The following KCTD5 variants were observed in gnomAD, a reference collection of about 807,000 sequenced individuals.
The protein encoded by KCTD5 is BTB/POZ domain-containing protein KCTD5.
In KCTD5, 12 loss-of-function variants were observed where a neutral mutation model predicts 27.9. The observed-to-expected ratio is 0.43, with a 90% CI of 0.28 to 0.70. The LOEUF (loss-of-function observed/expected upper bound fraction) is 0.70, where lower values mean the gene tolerates loss of function less well. KCTD5 is among the 30% of genes least tolerant of loss of function. The pLI is 0.19. For synonymous variants in KCTD5, 147 were observed against 121.4 expected, an observed-to-expected ratio of 1.21 and a Z score of -1.39; for missense variants, 226 against 274.8, an observed-to-expected ratio of 0.82 and a Z score of 1.26.
At chr16:2,687,814 G>A (rs2067546974) in intron 1 of KCTD5, among the ~76,000 whole-genome samples, 1 of 152,156 alleles carries the variant, frequency 6.6e-6, no homozygotes, top group Non-Finnish European at 1.5e-5. Context: ...TGCCTGCCTG[G>A]CGCCATGGGA....
intron 1 of KCTD5, 55 bp downstream of exon 1, chr16:2,682,855 C>A (rs1402573231): frequency 3.9e-6 from 6 of 1,527,370 alleles, no homozygotes; most frequent in Non-Finnish European, 5.2e-6. Flanking sequence ...CCTGCGGCTC[C>A]TGCACACGCC....
At chr16:2,691,499 C>T (rs1233061060) in intron 1 of KCTD5, among the ~76,000 whole-genome samples, 2 of 152,184 alleles carry the variant, frequency 1.3e-5, no homozygotes, top group Non-Finnish European at 2.9e-5. Context: ...AGTGTCACTC[C>T]GGGAGAGGGC....
intron 1 of KCTD5, among the ~76,000 whole-genome samples, chr16:2,685,173 C>T (rs1005380933): frequency 6.6e-6 from 1 of 152,148 alleles, no homozygotes; most frequent in African/African-American, 2.4e-5. Context: ...CGCCTGTAAT[C>T]CCAGCACTTT....
At chr16:2,699,938 G>A in intron 4 of KCTD5, 22 bp downstream of exon 4, 2 of 1,606,008 alleles carry the variant, frequency 1.2e-6, no homozygotes, top group Non-Finnish European at 1.7e-6. Context: ...TGGCCAGCCT[G>A]GTGGCAGCCA....
rs1186757786 is a variant in KCTD5, at chr16:2,708,958, C to T, written c.*1631C>T. 3 of 152,184 alleles carry T rather than the reference C, an allele frequency of 2.0e-5. No homozygotes were observed. The highest frequency in any genetic ancestry group is 1.9e-4 in the East Asian group (1 of 5,198). The allele number at this position is 152,184 out of a possible 1,614,324, so 9.4% of individuals were successfully genotyped here. A position where few individuals can be genotyped will look rare whatever the true frequency, so the allele number is the denominator to read the frequency against. ...TATACTTTTATACTTTTTTAGGTAT[C>T]GTATTTTATCAGCTTACAGTTTAAT... On this transcript the variant is annotated 3_prime_UTR_variant, in exon 6 of 6. Coordinates refer to ENST00000301738, the MANE Select transcript of KCTD5 (RefSeq NM_018992.4).
At chr16:2,691,934 G>A (rs1416162932) in intron 1 of KCTD5, among the ~76,000 whole-genome samples, 2 of 152,236 alleles carry the variant, frequency 1.3e-5, no homozygotes, top group Non-Finnish European at 2.9e-5. Context: ...TGGAGCCACA[G>A]GCTGCAGGGA....
At chr16:2,688,199 GT>G (rs2067549011) in intron 1 of KCTD5, among the ~76,000 whole-genome samples, 1 of 144,446 alleles carries the variant, frequency 6.9e-6, no homozygotes, top group Admixed American at 7.0e-5. Context: ...TTTGTACTTG[GT>G]TTTTATTATT....
rs577300463 is a variant in KCTD5 at position 2,703,778 on chromosome 16, A to C, written c.675+1300A>C. ...CCGTTCCTCGAGGCCGAGGCAGTGT[A>C]GGCTGGGGCAGGCCCTGGTGTGGGA... On this transcript the variant is annotated intron_variant, in intron 5 of 5. Transcript: ENST00000301738. Among the ~76,000 whole-genome samples the C allele has an allele frequency of 6.6e-5, 10 of 152,102 alleles. No homozygotes were observed. In the South Asian group the frequency reaches 2.1e-3, roughly 32 times the overall value.
At chr16:2,699,293 C>T in intron 3 of KCTD5, 1 of 448,850 alleles carries the variant, frequency 2.2e-6, no homozygotes, top group African/African-American at 2.0e-5. Context: ...CCTGGAGGGG[C>T]ACAGCAAGCG....
chr16:2,704,125 T>C (rs2067624295), intron 5 of KCTD5, among the ~76,000 whole-genome samples: 1 of 152,224 alleles, frequency 6.6e-6, no homozygotes, highest in Admixed American at 6.5e-5. Flanking sequence ...GTTGAGAATG[T>C]GGCCCTATTT....
chr16:2,707,606 G>C lies in KCTD5; in HGVS notation c.*279G>C. ...TTTCCAAGTGCCACGTGGGACTGAG[G>C]CAGACACTCCCAGTCAGCCCGCTCG... is the stretch of plus-strand genomic sequence containing the variant. On this transcript the variant is annotated 3_prime_UTR_variant, in exon 6 of 6. Coordinates refer to ENST00000301738, the MANE Select transcript of KCTD5 (RefSeq NM_018992.4). 1 of 608,798 alleles carries C rather than the reference G, an allele frequency of 1.6e-6. No homozygotes were observed. The highest frequency in any genetic ancestry group is 2.9e-6 in the Non-Finnish European group (1 of 342,246). The allele number at this position is 608,798 out of a possible 1,614,324, so 37.7% of individuals were successfully genotyped here. A position where few individuals can be genotyped will look rare whatever the true frequency, so the allele number is the denominator to read the frequency against.
In KCTD5 at chr16:2,707,941, C is replaced by T. The variant is rs1056429049; in HGVS notation, c.*614C>T. 1 of 159,866 alleles carries T rather than the reference C, an allele frequency of 6.3e-6. No homozygotes were observed. The highest frequency in any genetic ancestry group is 2.0e-4 in the South Asian group (1 of 5,118). The allele number at this position is 159,866 out of a possible 1,614,324, so 9.9% of individuals were successfully genotyped here. On this transcript the variant is annotated 3_prime_UTR_variant, in exon 6 of 6. Transcript: ENST00000301738. ...CAACCCCACCTGACCAAGCCCGGGA[C>T]AGTCAAGGCTTCTCAATTTGTATTT...
chr16:2,706,895 G>A (rs13333623), intron 5 of KCTD5, among the ~76,000 whole-genome samples: 2,315 of 151,138 alleles, frequency 0.015, 54 homozygotes, highest in African/African-American at 0.053. Flanking sequence ...GGGCGTCGGG[G>A]TGGGGGTGGG....
At chr16:2,690,347 C>T (rs1336271173) in intron 1 of KCTD5, among the ~76,000 whole-genome samples, 1 of 152,242 alleles carries the variant, frequency 6.6e-6, no homozygotes, top group African/African-American at 2.4e-5. Flanking sequence ...GCCCGGCCTA[C>T]GTCCTGTGGC....
chr16:2,690,420 A>T (rs547260786), intron 1 of KCTD5, among the ~76,000 whole-genome samples: 1 of 152,228 alleles, frequency 6.6e-6, no homozygotes, highest in Non-Finnish European at 1.5e-5. Context: ...GGCCCACTCA[A>T]TGCCAGCTTG....
chr16:2,690,480 A>G (rs560738702), intron 1 of KCTD5, among the ~76,000 whole-genome samples: 9 of 152,242 alleles, frequency 5.9e-5, no homozygotes, highest in Admixed American at 1.3e-4. Flanking sequence ...CGCGGGGAAG[A>G]TGAGGGAAAT....
intron 1 of KCTD5, among the ~76,000 whole-genome samples, chr16:2,688,057 T>G (rs2067548355): frequency 6.6e-6 from 1 of 151,896 alleles, no homozygotes; most frequent in East Asian, 1.9e-4. Context: ...AGCTGTGCTT[T>G]CTTCCTCTGT....
chr16:2,707,567 G>C lies in KCTD5; in HGVS notation c.*240G>C, dbSNP rs190073801. The C allele has an allele frequency of 1.6e-6, 1 of 624,660 alleles. No homozygotes were observed. 38.7% of individuals were successfully genotyped at this position (624,660 alleles called of 1,614,324 possible). A position where few individuals can be genotyped will look rare whatever the true frequency, so the allele number is the denominator to read the frequency against. ...CGGGTGGGCGCTGCCTCTTGGGGGG[G>C]CCTCGCTCTGTTTTTTCCAAGTGCC... is the stretch of plus-strand genomic sequence containing the variant. On this transcript the variant is annotated 3_prime_UTR_variant, in exon 6 of 6. Transcript: ENST00000301738.
intron 4 of KCTD5, among the ~76,000 whole-genome samples, chr16:2,700,509 G>T (rs2067606757): frequency 1.9e-5 from 2 of 106,564 alleles, no homozygotes; most frequent in African/African-American, 7.6e-5. Flanking sequence ...CTTGTCATCG[G>T]GGACCTCAGG....
Sources: allele counts gnomAD v4.1 joint callset (sites outside exome capture counted in the v4.1 genomes callset), GRCh38; gene constraint gnomAD v4.1.1; transcripts MANE v1.5; gene names NCBI Gene and HGNC (gene_info 2026-07-23, HGNC 2026-07-21).